Variants in FNDC1 observed in about 807,000 individuals in gnomAD.
FNDC1 encodes the protein fibronectin type III domain-containing protein 1.
A neutral mutation model predicts 168.0 loss-of-function variants in FNDC1; 96 were observed. The ratio of observed to expected loss-of-function variants is 0.57; its 90% CI spans 0.48 to 0.68. The LOEUF (loss-of-function observed/expected upper bound fraction) is 0.68, where lower values mean the gene tolerates loss of function less well. FNDC1 is among the 30% of genes least tolerant of loss of function. The pLI, the probability that FNDC1 is intolerant of heterozygous loss-of-function variation, is 0.00. For missense variants in FNDC1, 2,587 were observed against 2,482.1 expected, an observed-to-expected ratio of 1.04 and a Z score of -0.90; for synonymous variants, 1,099 against 1,025.9, an observed-to-expected ratio of 1.07 and a Z score of -1.36.
At position 159,233,329 on chromosome 6, in the gene FNDC1, G is replaced by T; in HGVS notation, c.2817G>T (p.Gln939His). Residue 939 changes from glutamine (Q) to histidine (H), a missense_variant, in exon 11 of 23, where the codon CAG becomes CAT. Transcript: ENST00000297267. The surrounding 1 kb of genome is among the most constrained non-coding windows in gnomAD (Gnocchi z 4.6). Reference protein sequence around the residue: ...PKSTGADTHPQGKYSSLASKA... With the variant: ...PKSTGADTHPHGKYSSLASKA... The stretch of plus-strand genomic sequence containing the variant: ...CCACAGGGGCAGATACACATCCTCA[G>T]GGCAAGTACTCCTCCCTGGCCTCCA... The T allele has an allele frequency of 6.2e-7, 1 of 1,613,940 alleles. No homozygotes were observed. Among genetic ancestry groups the T allele is most frequent in the Non-Finnish European group, 8.5e-7 (1 of 1,179,870 alleles).
At position 159,239,383 on chromosome 6, in the gene FNDC1, T is replaced by C. The variant is rs999964021; in HGVS notation, c.4181-134T>C. 17 of 717,858 alleles carry C rather than the reference T, an allele frequency of 2.4e-5. No individual in the cohort carries two copies. The East Asian group carries it at 2.5e-4, about 10-fold the overall frequency. The allele number at this position is 717,858 out of a possible 1,614,324, so 44.5% of individuals were successfully genotyped here. On this transcript the variant is annotated intron_variant, in intron 13 of 22. Coordinates refer to ENST00000297267, the MANE Select transcript of FNDC1 (RefSeq NM_032532.3). ...GATCGTGGAGCATACTGATGCAATA[T>C]TCATTTATCCCTTTGCCTTTTACTG...
At chr6:159,228,080 T>C (rs1447817523) in intron 9 of FNDC1, among the ~76,000 whole-genome samples, 1 of 152,196 alleles carries the variant, frequency 6.6e-6, no homozygotes, top group Non-Finnish European at 1.5e-5. Flanking sequence ...AATGAAAAGG[T>C]AATTATTGCA....
chr6:159,245,842 G>A lies in FNDC1; in HGVS notation c.4622-1059G>A, dbSNP rs1323914328. Among the ~76,000 whole-genome samples the A allele has an allele frequency of 8.6e-4, 6 of 6,994 alleles. 3 individuals are homozygous for A. Among genetic ancestry groups the A allele is most frequent in the East Asian group, 2.4e-3 (2 of 848 alleles). 4.6% of individuals were successfully genotyped at this position (6,994 alleles called of 152,430 possible). ...CGGCTCACTGCAAGCTCCACCTCCC[G>A]GGTTCACGCCATTCTCCTGCCTCAG... On this transcript the variant is annotated intron_variant, in intron 14 of 22. Coordinates refer to ENST00000297267, the MANE Select transcript of FNDC1 (RefSeq NM_032532.3).
At chr6:159,236,359 T>C (rs376230649) in intron 12 of FNDC1, 44 bp downstream of exon 12, 46 of 1,337,348 alleles carry the variant, frequency 3.4e-5, no homozygotes, top group Middle Eastern at 1.8e-4. Flanking sequence ...TTCATGCTGT[T>C]GAGAAGAGAA....
At chr6:159,187,484 A>G (rs561019494) in intron 1 of FNDC1, among the ~76,000 whole-genome samples, 2 of 152,320 alleles carry the variant, frequency 1.3e-5, no homozygotes, top group African/African-American at 4.8e-5. Flanking sequence ...AAAGAACCCA[A>G]TGCCAACTGT....
rs147627142 is a variant in FNDC1 at position 159,174,916 on chromosome 6, A to G, written c.109+5211A>G. The stretch of plus-strand genomic sequence containing the variant: ...TCTCAGCCTCTCCCTTCCACCACCA[A>G]TGTTAATTTTTGTATCCAGAGAGGA... On this transcript the variant is annotated intron_variant, in intron 1 of 22. Coordinates refer to ENST00000297267, the MANE Select transcript of FNDC1 (RefSeq NM_032532.3). Among the ~76,000 whole-genome samples, 19 of 152,340 alleles carry G rather than the reference A, an allele frequency of 1.2e-4. No homozygotes were observed. In the East Asian group the frequency reaches 3.7e-3, roughly 29 times the overall value.
At chr6:159,175,594 C>T (rs1781745487) in intron 1 of FNDC1, among the ~76,000 whole-genome samples, 1 of 152,208 alleles carries the variant, frequency 6.6e-6, no homozygotes, top group Admixed American at 6.5e-5. Flanking sequence ...TGTTGAACTC[C>T]AACAAGGCTA....
At position 159,269,238 on chromosome 6, in the gene FNDC1, T is replaced by TATCATCC. The variant is rs1366294794; in HGVS notation, c.5569+1315_5569+1316insATCCATC. Among the ~76,000 whole-genome samples the TATCATCC allele has an allele frequency of 5.7e-5, 7 of 123,818 alleles. No individual in the cohort carries two copies. The East Asian group carries it at 1.9e-3, about 34-fold the overall frequency. 81.2% of individuals were successfully genotyped at this position (123,818 alleles called of 152,430 possible). A position where few individuals can be genotyped will look rare whatever the true frequency, so the allele number is the denominator to read the frequency against. On this transcript the variant is annotated intron_variant, in intron 22 of 22. Transcript: ENST00000297267. Reference sequence around the variant, plus strand: ...CTATCTATCTATCTATCTATCTATCTATCTATCTATCCATCTATCATCTAT... The same window carrying TATCATCC: ...CTATCTATCTATCTATCTATCTATCTATCATCCATCTATCTATCCATCTATCATCTAT...
intron 1 of FNDC1, among the ~76,000 whole-genome samples, chr6:159,174,089 A>G (rs1430959989): frequency 6.6e-6 from 1 of 152,262 alleles, no homozygotes; most frequent in Non-Finnish European, 1.5e-5. Context: ...GTTAAAAAAT[A>G]GAGGTATTTA....
chr6:159,176,083 T>C (rs1416573884), intron 1 of FNDC1, among the ~76,000 whole-genome samples: 4 of 152,230 alleles, frequency 2.6e-5, no homozygotes, highest in Non-Finnish European at 5.9e-5. Flanking sequence ...GACTGTTTTA[T>C]GGTGTCACGT....
rs917489797 is a variant in FNDC1, at chr6:159,271,522, C to T, written c.*80C>T. 3.7e-6 allele frequency: 4 copies of T among 1,085,770 alleles called. No individual in the cohort carries two copies. The highest frequency in any genetic ancestry group is 5.5e-6 in the Non-Finnish European group (4 of 725,362). The allele number at this position is 1,085,770 out of a possible 1,614,324, so 67.3% of individuals were successfully genotyped here. Reference sequence around the variant, plus strand: ...CACTAGGGGCTGTGAGCAAAGACAGCCAGCGTGCTCAGCCCCGCTGCCCTA... The same window carrying T: ...CACTAGGGGCTGTGAGCAAAGACAGTCAGCGTGCTCAGCCCCGCTGCCCTA... On this transcript the variant is annotated 3_prime_UTR_variant, in exon 23 of 23. Coordinates refer to ENST00000297267, the MANE Select transcript of FNDC1 (RefSeq NM_032532.3).
At chr6:159,177,634 A>T (rs1441211967) in intron 1 of FNDC1, among the ~76,000 whole-genome samples, 2 of 152,130 alleles carry the variant, frequency 1.3e-5, no homozygotes, top group East Asian at 3.9e-4. Context: ...GCTCTGGGGG[A>T]TGGTGGGGAA....
At chr6:159,223,046 A>AGC (rs1782866157) in intron 6 of FNDC1, among the ~76,000 whole-genome samples, 5 of 134,066 alleles carry the variant, frequency 3.7e-5, no homozygotes, top group Admixed American at 1.9e-4. Context: ...CCCAGGCTGG[A>AGC]GTGCAGTGGC....
At chr6:159,271,152 C>T (rs535929524) in intron 22 of FNDC1, among the ~76,000 whole-genome samples, 175 bp from the exon 23 acceptor site, 1 of 152,318 alleles carries the variant, frequency 6.6e-6, no homozygotes, top group South Asian at 2.1e-4. Context: ...GGTCCTGGCC[C>T]TTCCCCAGGG....
At chr6:159,203,759 CAG>C (rs1404666310) in intron 4 of FNDC1, among the ~76,000 whole-genome samples, 1 of 152,076 alleles carries the variant, frequency 6.6e-6, no homozygotes, top group African/African-American at 2.4e-5. Context: ...TTTTGTGTAA[CAG>C]GATCTGGGTA....
chr6:159,208,110 G>A (rs774457602), intron 4 of FNDC1, among the ~76,000 whole-genome samples: 6 of 152,134 alleles, frequency 3.9e-5, no homozygotes, highest in Admixed American at 6.5e-5. Context: ...CGCCAATAAC[G>A]GAGGAAACTT....
intron 5 of FNDC1, among the ~76,000 whole-genome samples, chr6:159,217,008 G>A (rs910979718): frequency 6.6e-6 from 1 of 152,240 alleles, no homozygotes; most frequent in Non-Finnish European, 1.5e-5. Context: ...TTCCTGCCCC[G>A]TGGTGTGGAG....
At chr6:159,215,208 T>C (rs1165212829) in intron 5 of FNDC1, 57 bp downstream of exon 5, 5 of 1,477,124 alleles carry the variant, frequency 3.4e-6, no homozygotes, top group Non-Finnish European at 4.7e-6. Context: ...ATCATTTCAA[T>C]ATTTAGAAGC....
intron 1 of FNDC1, among the ~76,000 whole-genome samples, chr6:159,171,399 A>G (rs1781656795): frequency 6.6e-6 from 1 of 152,252 alleles, no homozygotes; most frequent in Non-Finnish European, 1.5e-5. Flanking sequence ...ATTATGGGGT[A>G]CATAACTTCT....
Sources: gnomAD v4.1 joint callset for allele counts (sites outside exome capture counted in the v4.1 genomes callset) on GRCh38, gnomAD v4.1.1 for gene constraint, Gnocchi (gnomAD v3.1) non-coding constraint, MANE v1.5 for transcripts, NCBI Gene and HGNC (gene_info 2026-07-23, HGNC 2026-07-21) for gene names.